The following ZBTB20 variants were observed in gnomAD, a reference collection of about 807,000 sequenced individuals.
ZBTB20 encodes the protein zinc finger and BTB domain-containing protein 20.
ZBTB20 carries 9 observed loss-of-function variants against 56.9 expected under a neutral mutation model. That is an observed-to-expected ratio of 0.16 (90% CI 0.10 to 0.28). The LOEUF (loss-of-function observed/expected upper bound fraction) is 0.28. Ranked by LOEUF, ZBTB20 falls within the 10% of genes least tolerant of loss-of-function variation. The pLI is 1.00. For missense variants in ZBTB20, 655 were observed against 1,003.0 expected (o/e 0.65, Z 4.69); for synonymous variants, 417 against 420.7 (o/e 0.99, Z 0.11).
intron 7 of ZBTB20, among the ~76,000 whole-genome samples, chr3:114,459,194 C>CT (rs1036468543): frequency 2.6e-5 from 4 of 152,068 alleles, no homozygotes; most frequent in Non-Finnish European, 5.9e-5. Context: ...TTTCAAGCAC[C>CT]TTTTTTTCTG....
chr3:114,692,799 G>GAAACTTTAC (rs1191011958), intron 6 of ZBTB20, among the ~76,000 whole-genome samples: 1 of 152,124 alleles, frequency 6.6e-6, no homozygotes, highest in African/African-American at 2.4e-5. Context: ...CAATCTTTTT[G>GAAACTTTAC]AAACTTTACA....
intron 6 of ZBTB20, among the ~76,000 whole-genome samples, chr3:114,560,604 G>T (rs1285692300): frequency 6.6e-6 from 1 of 152,040 alleles, no homozygotes. Flanking sequence ...GTAGTGCAGG[G>T]ATACTTTGGA....
chr3:114,415,360 C>T (rs1404861380), intron 7 of ZBTB20, among the ~76,000 whole-genome samples: 5 of 152,084 alleles, frequency 3.3e-5, no homozygotes, highest in African/African-American at 4.8e-5. Context: ...AAGACATCTT[C>T]GACTGATGAC....
intron 2 of ZBTB20, among the ~76,000 whole-genome samples, chr3:115,017,286 A>G (rs922109264): frequency 6.6e-6 from 1 of 151,570 alleles, no homozygotes; most frequent in Non-Finnish European, 1.5e-5. Context: ...CACAACTGCT[A>G]CAAAAACAAT....
At chr3:114,659,813 A>G (rs9832274) in intron 6 of ZBTB20, among the ~76,000 whole-genome samples, 13,774 of 152,194 alleles carry the variant, frequency 0.091, 1,279 homozygotes, top group African/African-American at 0.21. Flanking sequence ...ACTAGCACAC[A>G]ATGCATTTTA....
At chr3:114,990,481 G>A (rs1027465215) in intron 2 of ZBTB20, among the ~76,000 whole-genome samples, 3 of 152,138 alleles carry the variant, frequency 2.0e-5, no homozygotes, top group Non-Finnish European at 2.9e-5. Context: ...TAAGCTTTTT[G>A]ATGTGCTGCT....
In ZBTB20 at chr3:115,130,966, G is replaced by A. The variant is rs759517439; in HGVS notation, c.-703+16253C>T. ...AGTAGAGACAGGGTTTCTCCATGTT[G>A]CTCAGGCTGGTCTTGAACTCCCGAC... On this transcript the variant is annotated intron_variant, in intron 1 of 11. Transcript: ENST00000675478. 3.9e-5 allele frequency among the ~76,000 whole-genome samples: 6 copies of A among 152,242 alleles called. No individual in the cohort carries two copies. In the South Asian group the frequency reaches 6.2e-4, roughly 16 times the overall value.
chr3:114,882,101 C>G (rs961623604), intron 4 of ZBTB20, among the ~76,000 whole-genome samples: 2 of 151,556 alleles, frequency 1.3e-5, no homozygotes, highest in African/African-American at 4.8e-5. Context: ...GCTATACAAA[C>G]CAATAAAATA....
chr3:114,421,353 A>G (rs1489302930), intron 7 of ZBTB20, among the ~76,000 whole-genome samples: 2 of 152,130 alleles, frequency 1.3e-5, no homozygotes, highest in Admixed American at 6.5e-5. Flanking sequence ...GTCTTGATAC[A>G]TTTACAATAC....
rs142781302 is a variant in ZBTB20 at position 114,480,875 on chromosome 3, T to G, written c.-255+19477A>C. On this transcript the variant is annotated intron_variant, in intron 7 of 11. Transcript: ENST00000675478. ...TTACTGTTTTCTGTAATATTATCAT[T>G]TTCCATTTTTCAAACAATGGAAAGA... Among the ~76,000 whole-genome samples the G allele has an allele frequency of 7.7e-4, 117 of 152,254 alleles. 1 individual carries two copies. In the East Asian group the frequency reaches 0.019, roughly 25 times the overall value.
intron 1 of ZBTB20, among the ~76,000 whole-genome samples, chr3:115,105,021 CA>C (rs568352418): frequency 6.6e-6 from 1 of 151,500 alleles, no homozygotes; most frequent in East Asian, 1.9e-4. Context: ...TAAAATTACT[CA>C]AAAAAAAGTC....
At chr3:114,409,568 G>A (rs1049257270) in intron 7 of ZBTB20, among the ~76,000 whole-genome samples, 3 of 151,868 alleles carry the variant, frequency 2.0e-5, no homozygotes, top group East Asian at 1.9e-4. Flanking sequence ...ACAACTACTC[G>A]GCACTTCCCC....
intron 4 of ZBTB20, among the ~76,000 whole-genome samples, chr3:114,844,546 A>AAAAAAAC (rs2074584592): frequency 7.1e-6 from 1 of 140,730 alleles, no homozygotes; most frequent in African/African-American, 2.8e-5. Context: ...AAAAAAAAAA[A>AAAAAAAC]AAAAAACTTT....
chr3:114,799,770 A>C lies in ZBTB20; in HGVS notation c.-343+1331T>G, dbSNP rs564767681. 5.3e-5 allele frequency among the ~76,000 whole-genome samples: 8 copies of C among 152,030 alleles called. No homozygotes were observed. In the East Asian group the frequency reaches 1.5e-3, roughly 29 times the overall value. ...ACCATGCTCAGTGGGCAACATACAC[A>C]AAGTGCCAAAGTCTCCTTCATTTCA... On this transcript the variant is annotated intron_variant, in intron 5 of 11. Coordinates refer to ENST00000675478, the MANE Select transcript of ZBTB20 (RefSeq NM_001348800.3).
At chr3:114,965,348 G>A in intron 3 of ZBTB20, among the ~76,000 whole-genome samples, 1 of 152,048 alleles carries the variant, frequency 6.6e-6, no homozygotes, top group East Asian at 1.9e-4. Flanking sequence ...TTTAAGTATA[G>A]AGTATATTTT....
chr3:114,641,016 C>A (rs1454445512), intron 6 of ZBTB20, among the ~76,000 whole-genome samples: 1 of 151,852 alleles, frequency 6.6e-6, no homozygotes, highest in Non-Finnish European at 1.5e-5. Flanking sequence ...ACTCGGTGTG[C>A]AAATTTAAAT....
intron 6 of ZBTB20, among the ~76,000 whole-genome samples, chr3:114,600,142 A>G (rs2056646592): frequency 1.3e-5 from 2 of 152,082 alleles, no homozygotes; most frequent in South Asian, 2.1e-4. Flanking sequence ...CTTCCTTTGC[A>G]TAATGGATAT....
In ZBTB20 at chr3:114,981,647, C is replaced by T. The variant is rs1367491149; in HGVS notation, c.-506-7231G>A. Among the ~76,000 whole-genome samples the T allele has an allele frequency of 3.3e-5, 5 of 152,116 alleles. No homozygotes were observed. The East Asian group carries it at 9.6e-4, about 29-fold the overall frequency. On this transcript the variant is annotated intron_variant, in intron 2 of 11. Coordinates refer to ENST00000675478, the MANE Select transcript of ZBTB20 (RefSeq NM_001348800.3). ...TTTGTATTTACTTATTTAAACCTAA[C>T]AAAAACTCTAGGAGGTAGGTAATAT...
intron 5 of ZBTB20, among the ~76,000 whole-genome samples, chr3:114,773,800 G>C (rs192289433): frequency 3.0e-4 from 45 of 152,270 alleles, no homozygotes; most frequent in African/African-American, 1.1e-3. Flanking sequence ...GCCTACTGGG[G>C]TATGTTTTGC....
Sources: allele counts gnomAD v4.1 joint callset (sites outside exome capture counted in the v4.1 genomes callset), GRCh38; gene constraint gnomAD v4.1.1; transcripts MANE v1.5; gene names NCBI Gene and HGNC (gene_info 2026-07-23, HGNC 2026-07-21).